Variants in ABCB4 observed in about 807,000 individuals in gnomAD.
The protein encoded by ABCB4 is phosphatidylcholine translocator ABCB4.
Under a neutral mutation model 145.7 loss-of-function variants are expected in ABCB4, and 76 were observed. The ratio of observed to expected loss-of-function variants is 0.52; its 90% CI spans 0.43 to 0.63. The LOEUF (loss-of-function observed/expected upper bound fraction) is 0.63. Among genes scored for constraint, ABCB4 ranks in the 30% least tolerant of loss-of-function variants. The pLI is 0.00. For missense variants in ABCB4, 1,234 were observed against 1,553.1 expected (o/e 0.79, Z 3.45); for synonymous variants, 517 against 566.8 (o/e 0.91, Z 1.25).
intron 3 of ABCB4, among the ~76,000 whole-genome samples, chr7:87,463,634 T>C (rs1472284399): frequency 6.6e-6 from 1 of 152,178 alleles, no homozygotes; most frequent in Non-Finnish European, 1.5e-5. Flanking sequence ...AGAAACTACA[T>C]GGAATGCTTA....
chr7:87,449,833 A>G, intron 8 of ABCB4, 135 bp downstream of exon 8: 12 of 1,288,054 alleles, frequency 9.3e-6, no homozygotes, highest in Non-Finnish European at 1.3e-5. Context: ...TATAGCCATC[A>G]GTAAAGGGTG....
At chr7:87,439,159 C>G (rs1052479403) in intron 14 of ABCB4, among the ~76,000 whole-genome samples, 4 of 152,072 alleles carry the variant, frequency 2.6e-5, no homozygotes, top group Admixed American at 2.0e-4. Context: ...CTGAGCTGGA[C>G]AGATGAACTC....
chr7:87,405,847 A>G (rs1808148738), intron 26 of ABCB4: 1 of 242,536 alleles, frequency 4.1e-6, no homozygotes. Context: ...GGAGTGTATC[A>G]ATATCAGTAT....
intron 4 of ABCB4, among the ~76,000 whole-genome samples, chr7:87,460,652 A>G (rs1812396207): frequency 6.6e-6 from 1 of 151,048 alleles, no homozygotes; most frequent in African/African-American, 2.4e-5. Context: ...TTATTTATTT[A>G]TTTATTTATT....
At chr7:87,401,385 G>A (rs915059115), downstream of ABCB4, among the ~76,000 whole-genome samples, 4 of 152,210 alleles carry the variant, frequency 2.6e-5, no homozygotes, top group African/African-American at 2.4e-5. Context: ...TAGGAAAAAC[G>A]GATTTTCTGG....
At chr7:87,473,029 G>A (rs1813543008) in intron 2 of ABCB4, among the ~76,000 whole-genome samples, 1 of 152,196 alleles carries the variant, frequency 6.6e-6, no homozygotes, top group South Asian at 2.1e-4. Flanking sequence ...CTGAAGGATT[G>A]TGGAGAGTGG....
At chr7:87,376,625 GGA>G in the ABCB4 span, among the ~76,000 whole-genome samples, 3 of 151,134 alleles carry the variant, frequency 2.0e-5, no homozygotes, top group African/African-American at 4.9e-5. Context: ...CTTGTAGCAA[GGA>G]GAGAGATTTT....
intron 9 of ABCB4, 28 bp downstream of exon 9, chr7:87,447,006 C>T: frequency 6.3e-7 from 1 of 1,576,162 alleles, no homozygotes; most frequent in Non-Finnish European, 8.7e-7. Flanking sequence ...TTTTCATATT[C>T]TTCATAAATG....
chr7:87,418,753 T>C (rs1809185275), intron 19 of ABCB4, 133 bp from the exon 20 acceptor site: 2 of 800,130 alleles, frequency 2.5e-6, no homozygotes, highest in Non-Finnish European at 4.2e-6. Flanking sequence ...TCCCTGGCCT[T>C]GCTCTGAGCA....
the ABCB4 span, chr7:87,369,624 A>C: frequency 2.7e-6 from 1 of 370,202 alleles, no homozygotes; most frequent in Non-Finnish European, 4.8e-6. Flanking sequence ...AAAAAAATCT[A>C]TTTGTATTTT....
chr7:87,434,343 C>G (rs903231712), intron 14 of ABCB4, among the ~76,000 whole-genome samples: 1 of 152,010 alleles, frequency 6.6e-6, no homozygotes, highest in African/African-American at 2.4e-5. Context: ...AGTCAAAATA[C>G]AAAATCTGCT....
At chr7:87,443,199 A>G in intron 12 of ABCB4, 120 bp downstream of exon 12, 1 of 1,354,148 alleles carries the variant, frequency 7.4e-7, no homozygotes, top group South Asian at 1.2e-5. Context: ...CGGCATTGCC[A>G]TTTTGTAGGC....
chr7:87,414,244 A>G (rs1216398810), intron 21 of ABCB4, among the ~76,000 whole-genome samples: 1 of 152,272 alleles, frequency 6.6e-6, no homozygotes, highest in African/African-American at 2.4e-5. Context: ...AATCAGAGTC[A>G]GACATCTGAC....
chr7:87,459,300 CA>C (rs1226642958), intron 4 of ABCB4, among the ~76,000 whole-genome samples: 5 of 152,124 alleles, frequency 3.3e-5, no homozygotes, highest in Non-Finnish European at 7.4e-5. Flanking sequence ...AACAGCTCCC[CA>C]CTGCTCCTCC....
At chr7:87,388,469 C>G in the ABCB4 span, among the ~76,000 whole-genome samples, 1 of 152,124 alleles carries the variant, frequency 6.6e-6, no homozygotes, top group South Asian at 2.1e-4. Flanking sequence ...AGAAATAACA[C>G]CACACATCTA....
At chr7:87,386,086 TC>T in the ABCB4 span, among the ~76,000 whole-genome samples, 2 of 152,228 alleles carry the variant, frequency 1.3e-5, no homozygotes, top group Non-Finnish European at 2.9e-5. Flanking sequence ...GTTGAGGATT[TC>T]TGCATCTGTG....
intron 4 of ABCB4, among the ~76,000 whole-genome samples, chr7:87,457,738 G>A (rs945771819): frequency 5.3e-5 from 8 of 152,208 alleles, no homozygotes; most frequent in Non-Finnish European, 1.2e-4. Flanking sequence ...TAGAGGTTAA[G>A]AGACTTGCTC....
chr7:87,431,137 A>T (rs1810187886), intron 15 of ABCB4, among the ~76,000 whole-genome samples: 1 of 152,164 alleles, frequency 6.6e-6, no homozygotes, highest in South Asian at 2.1e-4. Flanking sequence ...CCATTATGGT[A>T]GAAAGGACCT....
At chr7:87,378,390 T>G in the ABCB4 span, among the ~76,000 whole-genome samples, 1 of 150,886 alleles carries the variant, frequency 6.6e-6, no homozygotes, top group Non-Finnish European at 1.5e-5. Context: ...TAATCCATAT[T>G]CAGGTTTAGG....
Sources: gnomAD v4.1 joint callset for allele counts (sites outside exome capture counted in the v4.1 genomes callset) on GRCh38, gnomAD v4.1.1 for gene constraint, MANE v1.5 for transcripts, NCBI Gene and HGNC (gene_info 2026-07-23, HGNC 2026-07-21) for gene names.